ZNF143: variants seen among roughly 807,000 people sequenced by gnomAD.
ZNF143 encodes zinc finger protein 143.
Under a neutral mutation model 74.1 loss-of-function variants are expected in ZNF143, and 49 were observed. The observed-to-expected ratio is 0.66, with a 90% CI of 0.53 to 0.84. The LOEUF is 0.84. Ranked by LOEUF, ZNF143 falls within the 40% of genes least tolerant of loss-of-function variation. ZNF143 has a pLI of 0.00. For missense variants in ZNF143, 637 were observed against 793.4 expected (o/e 0.80, Z 2.37); for synonymous variants, 304 against 282.8 (o/e 1.07, Z -0.75).
At chr11:9,506,054 G>A (rs573699326) in intron 11 of ZNF143, among the ~76,000 whole-genome samples, 61 of 152,144 alleles carry the variant, frequency 4.0e-4, no homozygotes, top group African/African-American at 1.2e-3. Flanking sequence ...AGAGCTTGGC[G>A]CAGTAGTAGC....
intron 5 of ZNF143, among the ~76,000 whole-genome samples, chr11:9,475,875 G>A (rs1488368034): frequency 6.6e-6 from 1 of 151,166 alleles, no homozygotes; most frequent in Non-Finnish European, 1.5e-5. Context: ...TCCAGCCTGG[G>A]CAACAGAGTG....
chr11:9,489,524 G>A (rs1044054041), intron 7 of ZNF143, among the ~76,000 whole-genome samples: 3 of 152,094 alleles, frequency 2.0e-5, no homozygotes, highest in East Asian at 3.9e-4. Context: ...ACATTGTTTC[G>A]TTGGCTTAAC....
chr11:9,508,322 TAC>T (rs1848431531), intron 11 of ZNF143, among the ~76,000 whole-genome samples: 1 of 152,192 alleles, frequency 6.6e-6, no homozygotes, highest in African/African-American at 2.4e-5. Flanking sequence ...GGAAACAAAT[TAC>T]AGTTTCATTA....
At chr11:9,481,761 G>A (rs995189912) in intron 7 of ZNF143, among the ~76,000 whole-genome samples, 7 of 150,816 alleles carry the variant, frequency 4.6e-5, no homozygotes, top group African/African-American at 9.7e-5. Context: ...GGTGGTGTGC[G>A]CCTATAATCC....
intron 5 of ZNF143, among the ~76,000 whole-genome samples, chr11:9,477,034 G>A (rs1417098441): frequency 3.3e-5 from 5 of 151,190 alleles, no homozygotes; most frequent in Admixed American, 2.6e-4. Context: ...ACAAAGGGAG[G>A]AATCTTTAAA....
rs551643069 is a variant in ZNF143 at position 9,507,071 on chromosome 11, G to C, written c.1148-1548G>C. On this transcript the variant is annotated intron_variant, in intron 11 of 15. Transcript: ENST00000396602. ...TAAGAACATTAACCTGCCTGCTTTGGGAATGGGAACTGGGCAGAGGACAGG... is the reference window on the plus strand; with the variant it reads ...TAAGAACATTAACCTGCCTGCTTTGCGAATGGGAACTGGGCAGAGGACAGG... 2.0e-5 allele frequency among the ~76,000 whole-genome samples: 3 copies of C among 152,268 alleles called. No individual in the cohort carries two copies. In the South Asian group the frequency reaches 6.2e-4, roughly 32 times the overall value.
chr11:9,509,145 AAGAGAATGTTCCAAATAG>A (rs988368441), intron 12 of ZNF143, among the ~76,000 whole-genome samples: 1 of 152,216 alleles, frequency 6.6e-6, no homozygotes, highest in Non-Finnish European at 1.5e-5. Context: ...AAGCAAAGGC[AAGAGAATGTTCCAAATAG>A]AGAGAATGGC....
At chr11:9,505,619 A>G (rs1477230939) in intron 11 of ZNF143, among the ~76,000 whole-genome samples, 1 of 151,958 alleles carries the variant, frequency 6.6e-6, no homozygotes, top group Non-Finnish European at 1.5e-5. Flanking sequence ...GGTGGCTCAC[A>G]CCTGTAATCC....
chr11:9,519,064 A>T (rs551413202), intron 14 of ZNF143, among the ~76,000 whole-genome samples: 5 of 152,216 alleles, frequency 3.3e-5, no homozygotes, highest in Non-Finnish European at 7.3e-5. Context: ...TTACAATTCA[A>T]TGAGTTATGT....
intron 3 of ZNF143, 104 bp downstream of exon 3, chr11:9,472,873 C>T: frequency 4.6e-6 from 3 of 654,292 alleles, no homozygotes; most frequent in Non-Finnish European, 4.8e-6. Context: ...CCTAAAGATG[C>T]TGTATTGCAT....
chr11:9,516,289 A>C lies in ZNF143; in HGVS notation c.1613A>C (p.His538Pro). 1.2e-6 allele frequency: 2 copies of C among 1,614,138 alleles called. No individual in the cohort carries two copies. The highest frequency in any genetic ancestry group is 1.7e-6 in the Non-Finnish European group (2 of 1,179,984). The change falls in exon 14 of 16, where the codon CAT (histidine) becomes CCT (proline). Residue 538 changes from histidine to proline, a missense_variant. This residue lies in a region of ZNF143 where 344 missense variants were observed against 485.6 expected (regional missense o/e 0.71). Coordinates refer to ENST00000396602, the MANE Select transcript of ZNF143 (RefSeq NM_003442.6). ...GGCACGCCCATCACAGTCCCCGCCC[A>C]TGATGCAGTCATCTCCTCAGCAGGA... ...QDGTPITVPA[H>P]DAVISSAGTH... is the part of the protein sequence containing the mutation.
At chr11:9,506,281 G>C (rs1020910585) in intron 11 of ZNF143, among the ~76,000 whole-genome samples, 3 of 152,266 alleles carry the variant, frequency 2.0e-5, no homozygotes, top group African/African-American at 7.2e-5. Context: ...GCAGTGAGTC[G>C]AGATCACACC....
At position 9,488,409 on chromosome 11, in the gene ZNF143, C is replaced by G. The variant is rs74368184; in HGVS notation, c.646-6237C>G. Among the ~76,000 whole-genome samples, 1,371 of 152,270 alleles carry G rather than the reference C, an allele frequency of 9.0e-3. 8 individuals carry two copies. The highest frequency in any genetic ancestry group is 0.017 in the Middle Eastern group (5 of 294). On this transcript the variant is annotated intron_variant, in intron 7 of 15. Coordinates refer to ENST00000396602, the MANE Select transcript of ZNF143 (RefSeq NM_003442.6). ...TTTCACAAACTTGGTCCTACACTTTCATTTTCATGAAACTCATTCTATTAT... is the reference window on the plus strand; with the variant it reads ...TTTCACAAACTTGGTCCTACACTTTGATTTTCATGAAACTCATTCTATTAT...
At chr11:9,494,322 G>C (rs541700127) in intron 7 of ZNF143, among the ~76,000 whole-genome samples, 1 of 152,210 alleles carries the variant, frequency 6.6e-6, no homozygotes, top group African/African-American at 2.4e-5. Context: ...TTGATTGATT[G>C]AGACAGGTCT....
At chr11:9,501,021 T>G in intron 10 of ZNF143, 70 bp from the exon 11 acceptor site, 2 of 1,569,960 alleles carry the variant, frequency 1.3e-6, no homozygotes, top group Non-Finnish European at 1.7e-6. Flanking sequence ...TAGGCAGGAT[T>G]GAAGGATAAG....
chr11:9,473,567 A>G (rs1856712000), intron 3 of ZNF143, among the ~76,000 whole-genome samples: 1 of 152,204 alleles, frequency 6.6e-6, no homozygotes, highest in South Asian at 2.1e-4. Context: ...AGAATGACAG[A>G]TGATCTCACA....
Position 9,497,692 on chromosome 11 carries a change from C to A in ZNF143, c.859C>A (p.His287Asn). 1 of 1,599,322 alleles carries A rather than the reference C, an allele frequency of 6.3e-7. No individual in the cohort carries two copies. Among genetic ancestry groups the A allele is most frequent in the South Asian group, 1.1e-5 (1 of 88,940 alleles). Residue 287 changes from histidine to asparagine, a missense_variant, in exon 10 of 16, where the codon CAC becomes AAC. Transcript: ENST00000396602. ...TCTTAAAGGTTATGGATTAAAAAGT[C>A]ACGTCAGAACTCATACAGGAGAAAA... ...AFATGYGLKS[H>N]VRTHTGEKPY...
At position 9,471,419 on chromosome 11, in the gene ZNF143, A is replaced by T. The variant is rs1215103076; in HGVS notation, c.111A>T (p.Ala37=). ...TLCLTEAVTV[A]DGDNLENMEG... ...GCTTGACAGAGGCAGTCACCGTGGC[A>T]GGTGAGCAGTTGTGTTTGAAGGGAT... Residue 37 remains alanine, a splice_region_variant and synonymous_variant, in exon 2 of 16, where the codon GCA becomes GCT. Transcript: ENST00000396602. 1 of 1,593,706 alleles carries T rather than the reference A, an allele frequency of 6.3e-7. No homozygotes were observed. Among genetic ancestry groups the T allele is most frequent in the East Asian group, 2.3e-5 (1 of 44,080 alleles).
At chr11:9,478,712 G>A in intron 6 of ZNF143, 126 bp downstream of exon 6, 1 of 1,053,760 alleles carries the variant, frequency 9.5e-7, no homozygotes, top group East Asian at 2.6e-5. Context: ...GGCATGGCGT[G>A]ATGGCTCACG....
Sources: gnomAD v4.1 joint callset for allele counts (sites outside exome capture counted in the v4.1 genomes callset) on GRCh38, gnomAD v4.1.1 for gene constraint, gnomAD v4.1.1 regional missense constraint, MANE v1.5 for transcripts, NCBI Gene and HGNC (gene_info 2026-07-23, HGNC 2026-07-21) for gene names.